SHC2: variants seen among roughly 807,000 people sequenced by gnomAD.
The protein encoded by SHC2 is SHC-transforming protein 2.
SHC2 carries 62 observed loss-of-function variants against 60.6 expected under a neutral mutation model. The observed-to-expected ratio is 1.02, with a 90% CI of 0.83 to 1.26. The LOEUF is 1.26. SHC2 is among the 50% of genes most tolerant of loss of function. The probability of loss-of-function intolerance (pLI) is 0.00; values close to 1 mark genes in which losing one functional copy is unlikely to be tolerated. For synonymous variants in SHC2, 375 were observed against 372.4 expected (o/e 1.01, Z -0.08); for missense variants, 873 against 822.2 (o/e 1.06, Z -0.76).
intron 1 of SHC2, among the ~76,000 whole-genome samples, chr19:456,782 C>CT (rs1193080497): frequency 7.7e-6 from 1 of 129,884 alleles, no homozygotes; most frequent in Non-Finnish European, 1.6e-5. Flanking sequence ...GTCTAGAACT[C>CT]TGTCTGCAAT....
chr19:441,547 G>A lies in SHC2; in HGVS notation c.469-615C>T, dbSNP rs1263129619. Among the ~76,000 whole-genome samples the A allele has an allele frequency of 1.3e-5, 2 of 152,138 alleles. No individual in the cohort carries two copies. Among genetic ancestry groups the A allele is most frequent in the African/African-American group, 2.4e-5 (1 of 41,438 alleles). On this transcript the variant is annotated intron_variant, in intron 1 of 12. Coordinates refer to ENST00000264554, the MANE Select transcript of SHC2 (RefSeq NM_012435.3). The surrounding 1 kb of genome is among the most constrained non-coding windows in gnomAD (Gnocchi z 4.9). The stretch of plus-strand genomic sequence containing the variant: ...GGGTGGGGGAACAGGGCCAGGAGGC[G>A]AAGGCCACAGCGTCCTTCCAACGTT...
At chr19:458,522 CCTGGGGAGGCGGATTCGGGTT>C (rs1975437781) in intron 1 of SHC2, among the ~76,000 whole-genome samples, 2 of 130,118 alleles carry the variant, frequency 1.5e-5, no homozygotes, top group African/African-American at 5.9e-5. Context: ...GGAAGCGGGT[CCTGGGGAGGCGGATTCGGGTT>C]CCGGGGAGGT....
chr19:422,676 T>G lies in SHC2; in HGVS notation c.1310-220A>C. 1 of 520,546 alleles carries G rather than the reference T, an allele frequency of 1.9e-6. No homozygotes were observed. Among genetic ancestry groups the G allele is most frequent in the Non-Finnish European group, 3.4e-6 (1 of 295,568 alleles). 32.2% of individuals were successfully genotyped at this position (520,546 alleles called of 1,614,324 possible). On this transcript the variant is annotated intron_variant, in intron 10 of 12. Transcript: ENST00000264554. The surrounding 1 kb of genome is among the most constrained non-coding windows in gnomAD (Gnocchi z 5.0). The stretch of plus-strand genomic sequence containing the variant: ...CCTGGACTCCCCAGGTTGGGTTTTC[T>G]AGGCACGTACTAAGCATGTACAAAG...
At chr19:459,017 C>G (rs1322396985) in intron 1 of SHC2, among the ~76,000 whole-genome samples, 2 of 152,136 alleles carry the variant, frequency 1.3e-5, no homozygotes, top group East Asian at 3.9e-4. Context: ...TAACGGCCCG[C>G]TCCTCTGTGC....
intron 4 of SHC2, among the ~76,000 whole-genome samples, chr19:437,623 G>A (rs1004949211): frequency 1.1e-4 from 17 of 152,038 alleles, no homozygotes; most frequent in African/African-American, 3.9e-4. Context: ...ATGCCTCGCA[G>A]GGTGGGGGCA....
intron 1 of SHC2, among the ~76,000 whole-genome samples, chr19:458,967 G>A (rs1404159338): frequency 6.6e-6 from 1 of 152,064 alleles, no homozygotes; most frequent in African/African-American, 2.4e-5. Context: ...CACAGGCTTT[G>A]GTGGGCCCGG....
chr19:456,192 C>T (rs1234775592), intron 1 of SHC2, among the ~76,000 whole-genome samples: 1 of 152,198 alleles, frequency 6.6e-6, no homozygotes, highest in Non-Finnish European at 1.5e-5. Flanking sequence ...CCGCAGCCCC[C>T]GGGTGATGGG....
chr19:429,521 G>T (rs530739393), intron 9 of SHC2, among the ~76,000 whole-genome samples: 1 of 148,522 alleles, frequency 6.7e-6, no homozygotes, highest in Non-Finnish European at 1.5e-5. Flanking sequence ...ACCTAACACC[G>T]TGTGGATGAC....
At chr19:418,303 C>T (rs1974198324) in intron 12 of SHC2, among the ~76,000 whole-genome samples, 1 of 152,246 alleles carries the variant, frequency 6.6e-6, no homozygotes, top group South Asian at 2.1e-4. Flanking sequence ...CAGGGGTCCA[C>T]AAAGACCAGG....
chr19:430,112 T>C (rs1407827523), intron 9 of SHC2, among the ~76,000 whole-genome samples: 2 of 141,988 alleles, frequency 1.4e-5, no homozygotes, highest in Non-Finnish European at 3.0e-5. Context: ...CCTAATACCG[T>C]GTGGATGACG....
intron 11 of SHC2, among the ~76,000 whole-genome samples, chr19:421,397 CAAAA>C (rs10582067): frequency 1.3e-4 from 16 of 120,078 alleles, no homozygotes; most frequent in Admixed American, 4.3e-4. Flanking sequence ...GAGACTCCAT[CAAAA>C]AAAAAAAAAA....
intron 8 of SHC2, 28 bp from the exon 9 acceptor site, chr19:430,775 C>T (rs367946998): frequency 2.1e-4 from 339 of 1,607,616 alleles, no homozygotes; most frequent in South Asian, 5.3e-4. Flanking sequence ...AGAGGTTCCC[C>T]GGTGTGTGCA....
Position 424,183 on chromosome 19 carries a change from C to T in SHC2, c.1309+914G>A, listed in dbSNP as rs1243995536. 6.6e-6 allele frequency among the ~76,000 whole-genome samples: 1 copy of T among 152,194 alleles called. No homozygotes were observed. Among genetic ancestry groups the T allele is most frequent in the Admixed American group, 6.5e-5 (1 of 15,282 alleles). On this transcript the variant is annotated intron_variant, in intron 10 of 12. Transcript: ENST00000264554. The surrounding 1 kb of genome is among the most constrained non-coding windows in gnomAD (Gnocchi z 4.5). ...GGGCAGAGTCGAGGCTGCAGGAAAT[C>T]AGGAGAGAACTCTGGACACCTCAGC...
At position 436,700 on chromosome 19, in the gene SHC2, C is replaced by T; in HGVS notation, c.721-17G>A. 6.3e-7 allele frequency: 1 copy of T among 1,599,526 alleles called. No individual in the cohort carries two copies. Among genetic ancestry groups the T allele is most frequent in the South Asian group, 1.1e-5 (1 of 90,040 alleles). ...GGCGATGACCTGTGGCGGCAGGAGG[C>T]ACACGCGGTCATGGGGGCCCCGCTT... On this transcript the variant is annotated splice_polypyrimidine_tract_variant and intron_variant, in intron 4 of 12. Coordinates refer to ENST00000264554, the MANE Select transcript of SHC2 (RefSeq NM_012435.3).
Position 417,172 on chromosome 19 carries a change from G to T in SHC2, c.*156C>A, listed in dbSNP as rs565349443. On this transcript the variant is annotated 3_prime_UTR_variant, in exon 13 of 13. Transcript: ENST00000264554. Reference sequence around the variant, plus strand: ...CTGCCCAGCCCGGGGCCAGCTGGAGGAAGGACCATGCCAGAGGCTCATGCG... The same window carrying T: ...CTGCCCAGCCCGGGGCCAGCTGGAGTAAGGACCATGCCAGAGGCTCATGCG... 1.3e-5 allele frequency: 2 copies of T among 153,072 alleles called. No individual in the cohort carries two copies. Among genetic ancestry groups the T allele is most frequent in the African/African-American group, 4.8e-5 (2 of 41,602 alleles). 9.5% of individuals were successfully genotyped at this position (153,072 alleles called of 1,614,324 possible).
chr19:436,093 G>A (rs1293395785), intron 7 of SHC2, 72 bp downstream of exon 7: 17 of 1,522,868 alleles, frequency 1.1e-5, no homozygotes, highest in Admixed American at 7.1e-5. Flanking sequence ...CCTGCAGGAG[G>A]TGGAGCAGGC....
In SHC2 at chr19:425,469, G is replaced by A. The variant is rs75584193; in HGVS notation, c.1175-238C>T. 0.041 allele frequency among the ~76,000 whole-genome samples: 6,318 copies of A among 152,256 alleles called. 366 individuals carry two copies. The highest frequency in any genetic ancestry group is 0.27 in the East Asian group (1,377 of 5,156). On this transcript the variant is annotated intron_variant, in intron 9 of 12. Transcript: ENST00000264554. This position sits in a 1 kb window ranked among gnomAD's most constrained non-coding sequence, Gnocchi z 4.1. ...CAGGGACAAGAGTGGGGCAGCGTGC[G>A]GCTGGGGCTGTGGGCACCAGACGTC...
chr19:438,572 C>T lies in SHC2; in HGVS notation c.720+146G>A. 1 of 984,200 alleles carries T rather than the reference C, an allele frequency of 1.0e-6. No homozygotes were observed. The highest frequency in any genetic ancestry group is 1.7e-5 in the South Asian group (1 of 60,402). The allele number at this position is 984,200 out of a possible 1,614,324, so 61.0% of individuals were successfully genotyped here. A position where few individuals can be genotyped will look rare whatever the true frequency, so the allele number is the denominator to read the frequency against. On this transcript the variant is annotated intron_variant, in intron 4 of 12. Coordinates refer to ENST00000264554, the MANE Select transcript of SHC2 (RefSeq NM_012435.3). This position sits in a 1 kb window ranked among gnomAD's most constrained non-coding sequence, Gnocchi z 5.0. Reference sequence around the variant, plus strand: ...CCCCGTGAGGGCAGTGGCTGCACCCCCAGCTCCTGCTCAGCGGGGCCTCGG... The same window carrying T: ...CCCCGTGAGGGCAGTGGCTGCACCCTCAGCTCCTGCTCAGCGGGGCCTCGG...
chr19:437,340 T>C (rs1974751031), intron 4 of SHC2, among the ~76,000 whole-genome samples: 1 of 151,816 alleles, frequency 6.6e-6, no homozygotes, highest in Non-Finnish European at 1.5e-5. Flanking sequence ...GCGTGCTTGT[T>C]TGCATGCTCA....
Sources: allele counts gnomAD v4.1 joint callset (sites outside exome capture counted in the v4.1 genomes callset), GRCh38; gene constraint gnomAD v4.1.1; non-coding constraint Gnocchi (gnomAD v3.1); transcripts MANE v1.5; gene names NCBI Gene and HGNC (gene_info 2026-07-23, HGNC 2026-07-21).